PTPRM: variants seen among roughly 807,000 people sequenced by gnomAD.
PTPRM encodes the protein protein tyrosine phosphatase receptor type M, also known as receptor-type tyrosine-protein phosphatase mu.
PTPRM carries 47 observed loss-of-function variants against 186.7 expected under a neutral mutation model. The observed-to-expected ratio is 0.25, with a 90% CI of 0.20 to 0.32. PTPRM has a LOEUF of 0.32. Ranked by LOEUF, PTPRM falls within the 10% of genes least tolerant of loss-of-function variation. PTPRM has a pLI of 1.00. For synonymous variants in PTPRM, 668 were observed against 674.9 expected (o/e 0.99, Z 0.16); for missense variants, 1,494 against 1,865.0 (o/e 0.80, Z 3.66).
At chr18:8,395,447 G>T (rs979639001) in intron 32 of PTPRM, among the ~76,000 whole-genome samples, 2 of 152,200 alleles carry the variant, frequency 1.3e-5, no homozygotes, top group Non-Finnish European at 2.9e-5. Context: ...AAGTAGCCAT[G>T]GTCCTCATGC....
Position 7,955,108 on chromosome 18 carries a change from G to A in PTPRM, c.839-13G>A, listed in dbSNP as rs1278656936. 7 of 1,580,300 alleles carry A rather than the reference G, an allele frequency of 4.4e-6. No homozygotes were observed. The highest frequency in any genetic ancestry group is 3.4e-4 in the Middle Eastern group (2 of 5,870). On this transcript the variant is annotated splice_polypyrimidine_tract_variant and intron_variant, in intron 6 of 32. Transcript: ENST00000580170. ...AAAGCATCTGAAAGACAGCTTTCTG[G>A]TTTGTCTTTCAGAACCACCCGTTCC...
At chr18:8,005,298 A>G (rs1004781328) in intron 7 of PTPRM, among the ~76,000 whole-genome samples, 1 of 152,226 alleles carries the variant, frequency 6.6e-6, no homozygotes, top group Non-Finnish European at 1.5e-5. Flanking sequence ...TTATACGTAT[A>G]TAACTAAAAT....
At chr18:7,578,539 G>A (rs1036697100) in intron 1 of PTPRM, among the ~76,000 whole-genome samples, 3 of 151,868 alleles carry the variant, frequency 2.0e-5, no homozygotes, top group South Asian at 2.1e-4. Context: ...GTTTCACTGT[G>A]TTAGCCAGGA....
rs1221448910 is a variant in PTPRM at position 8,346,660 on chromosome 18, A to T, written c.3054+3140A>T. ...GTTTCCACATGTCAGGAGGTTAGAG[A>T]AGTTCCTGCCCATTCCGAGGACTCA... On this transcript the variant is annotated intron_variant, in intron 23 of 32. Coordinates refer to ENST00000580170, the MANE Select transcript of PTPRM (RefSeq NM_001105244.2). Among the ~76,000 whole-genome samples the T allele has an allele frequency of 8.5e-5, 13 of 152,178 alleles. 1 individual carries two copies. Among genetic ancestry groups the T allele is most frequent in the Non-Finnish European group, 1.5e-5 (1 of 68,018 alleles).
At chr18:8,218,750 C>A (rs147402783) in intron 14 of PTPRM, among the ~76,000 whole-genome samples, 162 of 152,314 alleles carry the variant, frequency 1.1e-3, no homozygotes, top group African/African-American at 3.8e-3. Context: ...TACACGCATA[C>A]AAAGGAGCAG....
intron 2 of PTPRM, among the ~76,000 whole-genome samples, chr18:7,880,151 G>A (rs922489176): frequency 1.3e-5 from 2 of 152,142 alleles, no homozygotes; most frequent in Non-Finnish European, 2.9e-5. Flanking sequence ...ACCCTCCCAC[G>A]ACATGTGGGG....
intron 1 of PTPRM, among the ~76,000 whole-genome samples, chr18:7,669,254 A>G (rs1019724194): frequency 1.3e-5 from 2 of 152,024 alleles, no homozygotes; most frequent in Non-Finnish European, 2.9e-5. Context: ...CCATTCCTCC[A>G]TTGCTTCTTG....
intron 2 of PTPRM, among the ~76,000 whole-genome samples, chr18:7,878,048 T>C (rs1473294504): frequency 6.6e-6 from 1 of 152,194 alleles, no homozygotes; most frequent in African/African-American, 2.4e-5. Flanking sequence ...AGTGTTGAAA[T>C]GTTTATGTAA....
chr18:7,687,134 C>T (rs1449846248), intron 1 of PTPRM, among the ~76,000 whole-genome samples: 1 of 152,028 alleles, frequency 6.6e-6, no homozygotes, highest in Non-Finnish European at 1.5e-5. Flanking sequence ...ATGACACTGA[C>T]CAGTTTTACT....
intron 2 of PTPRM, among the ~76,000 whole-genome samples, chr18:7,837,587 T>C (rs1298801025): frequency 6.6e-6 from 1 of 152,114 alleles, no homozygotes; most frequent in Non-Finnish European, 1.5e-5. Flanking sequence ...CCTGAGTACC[T>C]GGGACTACAG....
chr18:8,368,605 T>C (rs1036806945), intron 23 of PTPRM, among the ~76,000 whole-genome samples: 1 of 152,204 alleles, frequency 6.6e-6, no homozygotes, highest in African/African-American at 2.4e-5. Flanking sequence ...GGAAGGGCAC[T>C]GAATCCATGG....
chr18:8,217,280 T>TC (rs2094100151), intron 14 of PTPRM, among the ~76,000 whole-genome samples: 1 of 74,778 alleles, frequency 1.3e-5, no homozygotes, highest in African/African-American at 3.3e-5. Flanking sequence ...GTCTTGCGCA[T>TC]AAGTCGGCAA....
chr18:8,372,215 G>A (rs1392269173), intron 24 of PTPRM, among the ~76,000 whole-genome samples: 1 of 147,634 alleles, frequency 6.8e-6, no homozygotes, highest in East Asian at 2.0e-4. Flanking sequence ...GGGACTACAG[G>A]CGCCCGCCAC....
intron 14 of PTPRM, among the ~76,000 whole-genome samples, chr18:8,182,059 G>A (rs1225874144): frequency 6.6e-6 from 1 of 151,952 alleles, no homozygotes. Flanking sequence ...TTTTTCCTAT[G>A]CCATTATTGT....
At chr18:8,368,397 T>C (rs1450604087) in intron 23 of PTPRM, among the ~76,000 whole-genome samples, 2 of 152,114 alleles carry the variant, frequency 1.3e-5, no homozygotes, top group Non-Finnish European at 2.9e-5. Flanking sequence ...GTATCCATGA[T>C]GTAAATTTCT....
At chr18:8,378,096 G>A (rs2095708158) in intron 26 of PTPRM, 169 bp from the exon 27 acceptor site, 2 of 630,988 alleles carry the variant, frequency 3.2e-6, no homozygotes, top group South Asian at 2.0e-5. Flanking sequence ...ATCAATCTGT[G>A]TAATATTTGG....
intron 11 of PTPRM, among the ~76,000 whole-genome samples, chr18:8,095,411 G>A (rs150505839): frequency 1.3e-3 from 199 of 152,208 alleles, no homozygotes; most frequent in Middle Eastern, 6.8e-3. Context: ...AGACAGGGAG[G>A]ACTGAGTTTG....
At chr18:8,093,019 G>A (rs1275443492) in intron 11 of PTPRM, among the ~76,000 whole-genome samples, 1 of 151,966 alleles carries the variant, frequency 6.6e-6, no homozygotes, top group African/African-American at 2.4e-5. Context: ...AGAAAGACAG[G>A]AGATAATCAT....
At chr18:8,127,126 T>C (rs1233944238) in intron 13 of PTPRM, among the ~76,000 whole-genome samples, 1 of 151,880 alleles carries the variant, frequency 6.6e-6, no homozygotes, top group African/African-American at 2.4e-5. Context: ...AAAGTAAAAC[T>C]ATAAGAAATG....
Sources: allele counts gnomAD v4.1 joint callset (sites outside exome capture counted in the v4.1 genomes callset), GRCh38; gene constraint gnomAD v4.1.1; transcripts MANE v1.5; gene names NCBI Gene and HGNC (gene_info 2026-07-23, HGNC 2026-07-21).